Variants in CRACR2A observed in about 807,000 individuals in gnomAD.
The protein encoded by CRACR2A is EF-hand calcium-binding domain-containing protein 4B.
In CRACR2A, 79 loss-of-function variants were observed where a neutral mutation model predicts 90.5. That is an observed-to-expected ratio of 0.87 (90% CI 0.73 to 1.05). CRACR2A has a LOEUF of 1.05. CRACR2A is among the 50% of genes least tolerant of loss of function. CRACR2A has a pLI of 0.00. For missense variants in CRACR2A, 823 were observed against 897.2 expected, an observed-to-expected ratio of 0.92 and a Z score of 1.06; for synonymous variants, 338 against 356.7, an observed-to-expected ratio of 0.95 and a Z score of 0.59.
At chr12:3,692,788 T>C (rs1232831677) in intron 4 of CRACR2A, among the ~76,000 whole-genome samples, 3 of 152,110 alleles carry the variant, frequency 2.0e-5, no homozygotes, top group Non-Finnish European at 2.9e-5. Context: ...TGTGGGCAAC[T>C]GTGTGCATAG....
intron 17 of CRACR2A, among the ~76,000 whole-genome samples, chr12:3,626,574 G>T (rs1006759052): frequency 2.6e-5 from 4 of 152,152 alleles, no homozygotes; most frequent in Non-Finnish European, 5.9e-5. Flanking sequence ...GGATTCCCAG[G>T]CTCTAGAATA....
chr12:3,644,511 C>A, intron 12 of CRACR2A, 84 bp downstream of exon 12: 1 of 1,375,908 alleles, frequency 7.3e-7, no homozygotes, highest in Non-Finnish European at 1.0e-6. Context: ...CAGGACATTG[C>A]TGGGCCAGTC....
chr12:3,681,843 G>C (rs529941167), intron 4 of CRACR2A, among the ~76,000 whole-genome samples: 1 of 152,212 alleles, frequency 6.6e-6, no homozygotes, highest in Non-Finnish European at 1.5e-5. Context: ...CATGCATTAA[G>C]GGAGACTATG....
At chr12:3,663,015 C>T (rs1301247935) in intron 7 of CRACR2A, among the ~76,000 whole-genome samples, 1 of 152,146 alleles carries the variant, frequency 6.6e-6, no homozygotes, top group African/African-American at 2.4e-5. Context: ...CCCTCATGAC[C>T]CCTTCTCTGA....
At chr12:3,738,968 GTC>G (rs1261400765) in intron 1 of CRACR2A, among the ~76,000 whole-genome samples, 1 of 152,030 alleles carries the variant, frequency 6.6e-6, no homozygotes, top group Non-Finnish European at 1.5e-5. Context: ...TCATGTCACT[GTC>G]TTCTGAGAAT....
chr12:3,638,438 C>G lies in CRACR2A; in HGVS notation c.1288G>C (p.Glu430Gln). 1 of 1,543,984 alleles carries G rather than the reference C, an allele frequency of 6.5e-7. No individual in the cohort carries two copies. The change falls in exon 14 of 20, where the codon GAG becomes CAG. Residue 430 changes from glutamate to glutamine, a missense_variant. Physicochemically the swap from Glu to Gln is conservative, Grantham distance 29. Transcript: ENST00000440314. ...CTCCTTGGGATGCCAAACACCTCCT[C>G]CTCCTCCTCTGACTGGCTACTGGGG... Reference protein sequence around the residue: ...GILRSQSEEEEEVFGIPRRSS... With the variant: ...GILRSQSEEEQEVFGIPRRSS...
In CRACR2A at chr12:3,707,971, A is replaced by C. The variant is rs533305595; in HGVS notation, c.-37+5266T>G. Reference sequence around the variant, plus strand: ...TGATGATGAAGTTTAGAAGCAGATCAGTGTGATGTATCTGGACAAAGTCGG... The same window carrying C: ...TGATGATGAAGTTTAGAAGCAGATCCGTGTGATGTATCTGGACAAAGTCGG... On this transcript the variant is annotated intron_variant, in intron 3 of 19. Transcript: ENST00000440314. Among the ~76,000 whole-genome samples the C allele has an allele frequency of 5.9e-5, 9 of 152,370 alleles. No homozygotes were observed. In the East Asian group the frequency reaches 1.4e-3, roughly 23 times the overall value.
At chr12:3,704,831 C>T (rs1246005399) in intron 3 of CRACR2A, among the ~76,000 whole-genome samples, 3 of 152,238 alleles carry the variant, frequency 2.0e-5, no homozygotes, top group Non-Finnish European at 4.4e-5. Flanking sequence ...GGCAGAGCCC[C>T]TTGTGAAGAC....
intron 7 of CRACR2A, among the ~76,000 whole-genome samples, chr12:3,668,466 A>G (rs898571814): frequency 6.6e-6 from 1 of 152,118 alleles, no homozygotes; most frequent in African/African-American, 2.4e-5. Flanking sequence ...TCCTCTGGTA[A>G]ATCTAAGCAA....
At chr12:3,682,430 A>G (rs1361572380) in intron 4 of CRACR2A, among the ~76,000 whole-genome samples, 4 of 152,082 alleles carry the variant, frequency 2.6e-5, no homozygotes, top group African/African-American at 9.7e-5. Context: ...CGAACCCCAA[A>G]TCCCCCTGTT....
intron 2 of CRACR2A, chr12:3,728,209 A>T (rs955044466): frequency 1.3e-5 from 2 of 152,238 alleles, no homozygotes; most frequent in Non-Finnish European, 2.9e-5. Flanking sequence ...CCCAGAAGTC[A>T]CTTGGGACTG....
intron 18 of CRACR2A, among the ~76,000 whole-genome samples, chr12:3,618,515 G>GAT (rs1867740531): frequency 6.6e-6 from 1 of 152,140 alleles, no homozygotes; most frequent in Admixed American, 6.5e-5. Flanking sequence ...CCTCCATGTA[G>GAT]ATACCTGCCA....
intron 11 of CRACR2A, 155 bp downstream of exon 11, chr12:3,648,387 G>A: frequency 6.5e-7 from 1 of 1,541,562 alleles, no homozygotes; most frequent in Non-Finnish European, 8.7e-7. Context: ...CTACTTGGTG[G>A]TCCAAACACT....
chr12:3,642,872 T>A (rs1944599042), intron 12 of CRACR2A, among the ~76,000 whole-genome samples: 1 of 152,212 alleles, frequency 6.6e-6, no homozygotes, highest in Admixed American at 6.5e-5. Flanking sequence ...CATCCCATGA[T>A]TCCCAGTGAT....
intron 1 of CRACR2A, among the ~76,000 whole-genome samples, chr12:3,740,753 C>T (rs1946512364): frequency 6.6e-6 from 1 of 152,194 alleles, no homozygotes; most frequent in African/African-American, 2.4e-5. Flanking sequence ...GTGGGCTCTG[C>T]AGTCAAGTGC....
chr12:3,637,960 C>T (rs562081317), intron 14 of CRACR2A, among the ~76,000 whole-genome samples, 164 bp downstream of exon 14: 1 of 152,334 alleles, frequency 6.6e-6, no homozygotes, highest in East Asian at 1.9e-4. Flanking sequence ...CCGCATGACA[C>T]TCAGCTAAGC....
At chr12:3,646,909 G>A (rs533339081) in intron 11 of CRACR2A, among the ~76,000 whole-genome samples, 52 of 152,274 alleles carry the variant, frequency 3.4e-4, no homozygotes, top group Middle Eastern at 3.4e-3. Context: ...CTACTCACAT[G>A]TATCATCTAA....
At chr12:3,616,895 C>G in intron 19 of CRACR2A, 59 bp downstream of exon 19, 1 of 1,381,274 alleles carries the variant, frequency 7.2e-7, no homozygotes, top group Non-Finnish European at 1.0e-6. Flanking sequence ...CGGTGCCTCC[C>G]TGAAGGCAGA....
intron 2 of CRACR2A, among the ~76,000 whole-genome samples, chr12:3,723,891 T>C (rs1180749665): frequency 6.6e-6 from 1 of 152,166 alleles, no homozygotes; most frequent in African/African-American, 2.4e-5. Context: ...ACGGTGTCCA[T>C]AGAAGGAAGA....
Sources: gnomAD v4.1 joint callset for allele counts (sites outside exome capture counted in the v4.1 genomes callset) on GRCh38, gnomAD v4.1.1 for gene constraint, MANE v1.5 for transcripts, NCBI Gene and HGNC (gene_info 2026-07-23, HGNC 2026-07-21) for gene names.